CCDC91: variants seen among roughly 807,000 people sequenced by gnomAD.
The protein encoded by CCDC91 is coiled-coil domain-containing protein 91.
A neutral mutation model predicts 63.2 loss-of-function variants in CCDC91; 48 were observed. The observed-to-expected ratio is 0.76, with a 90% CI of 0.60 to 0.97. The LOEUF (loss-of-function observed/expected upper bound fraction) is 0.97. Among genes scored for constraint, CCDC91 ranks in the 50% least tolerant of loss-of-function variants. CCDC91 has a pLI of 0.00. For missense variants in CCDC91, 500 were observed against 494.6 expected (o/e 1.01, Z -0.10); for synonymous variants, 167 against 165.8 (o/e 1.01, Z -0.06).
intron 1 of CCDC91, chr12:28,226,282 A>T (rs1252350453): frequency 6.6e-6 from 1 of 152,166 alleles, no homozygotes. Context: ...CTTTTATGAG[A>T]TTTTTAACTG....
chr12:28,415,664 T>TTG (rs61077919), intron 8 of CCDC91, among the ~76,000 whole-genome samples: 99,950 of 148,336 alleles, frequency 0.67, 33,964 homozygotes, highest in East Asian at 0.9. Flanking sequence ...AGATATATAT[T>TTG]TGTGTGTGTG....
intron 12 of CCDC91, among the ~76,000 whole-genome samples, chr12:28,495,618 AC>A (rs913621436): frequency 2.0e-5 from 3 of 151,716 alleles, no homozygotes; most frequent in Non-Finnish European, 2.9e-5. Flanking sequence ...ACTGACTTTT[AC>A]CTTTCGAGGA....
At chr12:28,266,466 T>G (rs1440045074) in intron 3 of CCDC91, among the ~76,000 whole-genome samples, 4 of 152,004 alleles carry the variant, frequency 2.6e-5, no homozygotes, top group Admixed American at 2.6e-4. Context: ...ACTAGGTGAA[T>G]TATGGTGCCT....
At chr12:28,365,929 T>A (rs1317599853) in intron 7 of CCDC91, among the ~76,000 whole-genome samples, 7 of 152,178 alleles carry the variant, frequency 4.6e-5, no homozygotes, top group African/African-American at 1.7e-4. Flanking sequence ...CTGGACTAGA[T>A]GTAATCAATC....
At chr12:28,395,509 G>A (rs1946233908) in intron 8 of CCDC91, among the ~76,000 whole-genome samples, 1 of 152,162 alleles carries the variant, frequency 6.6e-6, no homozygotes, top group South Asian at 2.1e-4. Flanking sequence ...TTGCTAGAAT[G>A]GCTCACAGAA....
chr12:28,350,156 GCAAAACAAAA>G (rs995315311), intron 6 of CCDC91, among the ~76,000 whole-genome samples: 1 of 151,972 alleles, frequency 6.6e-6, no homozygotes, highest in Non-Finnish European at 1.5e-5. Flanking sequence ...ACTATTACAA[GCAAAACAAAA>G]CAAAACAAAA....
At chr12:28,481,258 A>G (rs1951431112) in intron 11 of CCDC91, among the ~76,000 whole-genome samples, 1 of 151,960 alleles carries the variant, frequency 6.6e-6, no homozygotes, top group Admixed American at 6.6e-5. Flanking sequence ...TCACCTTAGG[A>G]TAGTGTTTCT....
Position 28,253,699 on chromosome 12 carries a change from C to T in CCDC91, c.-14-3503C>T, listed in dbSNP as rs553197899. 9.2e-5 allele frequency among the ~76,000 whole-genome samples: 14 copies of T among 152,198 alleles called. No individual in the cohort carries two copies. In the South Asian group the frequency reaches 2.9e-3, roughly 32 times the overall value. On this transcript the variant is annotated intron_variant, in intron 1 of 12. Transcript: ENST00000536442. ...TTTGACCTAATTTTTATGCAGAAGCCAATAATCAAAAGAAATCTTTGTATT... is the reference window on the plus strand; with the variant it reads ...TTTGACCTAATTTTTATGCAGAAGCTAATAATCAAAAGAAATCTTTGTATT...
chr12:28,427,386 G>T (rs191356034), intron 8 of CCDC91, among the ~76,000 whole-genome samples: 2 of 151,940 alleles, frequency 1.3e-5, no homozygotes, highest in African/African-American at 4.8e-5. Context: ...TCTTCCCTTC[G>T]CCAGAACCAT....
At chr12:28,492,400 T>A (rs1952061245) in intron 12 of CCDC91, among the ~76,000 whole-genome samples, 1 of 151,746 alleles carries the variant, frequency 6.6e-6, no homozygotes, top group South Asian at 2.1e-4. Context: ...TTGACTCTTA[T>A]AATCTATAAT....
intron 1 of CCDC91, among the ~76,000 whole-genome samples, chr12:28,241,231 G>T (rs544095708): frequency 6.6e-6 from 1 of 152,186 alleles, no homozygotes; most frequent in African/African-American, 2.4e-5. Flanking sequence ...CTATTGAAAA[G>T]AACATGCTTT....
intron 8 of CCDC91, among the ~76,000 whole-genome samples, chr12:28,408,272 A>G (rs1947095805): frequency 6.6e-6 from 1 of 152,100 alleles, no homozygotes; most frequent in South Asian, 2.1e-4. Flanking sequence ...GCTGAGAATG[A>G]TGGCTTCCAG....
chr12:28,410,224 T>G (rs552884520), intron 8 of CCDC91, among the ~76,000 whole-genome samples: 1 of 152,314 alleles, frequency 6.6e-6, no homozygotes, highest in South Asian at 2.1e-4. Context: ...GTATTCACAT[T>G]TAGGATTATG....
chr12:28,487,161 A>G (rs1273032058), intron 12 of CCDC91, among the ~76,000 whole-genome samples: 1 of 151,942 alleles, frequency 6.6e-6, no homozygotes, highest in African/African-American at 2.4e-5. Context: ...AACTGATTTA[A>G]TCAGTACACT....
chr12:28,394,214 C>T (rs1385878384), intron 8 of CCDC91, among the ~76,000 whole-genome samples: 1 of 152,090 alleles, frequency 6.6e-6, no homozygotes, highest in Non-Finnish European at 1.5e-5. Flanking sequence ...CGCCTGTAAT[C>T]CCAGCACTTT....
At chr12:28,386,364 A>T (rs573370686) in intron 7 of CCDC91, among the ~76,000 whole-genome samples, 74 of 152,230 alleles carry the variant, frequency 4.9e-4, no homozygotes, top group African/African-American at 1.7e-3. Context: ...CACTTTAAAA[A>T]TTATTCTTTT....
At chr12:28,197,331 CT>C (rs1256005807) in intron 1 of CCDC91, among the ~76,000 whole-genome samples, 1 of 152,090 alleles carries the variant, frequency 6.6e-6, no homozygotes, top group Non-Finnish European at 1.5e-5. Flanking sequence ...AATAACTTTT[CT>C]GCCTATACTA....
chr12:28,413,588 G>A (rs1203053605), intron 8 of CCDC91, among the ~76,000 whole-genome samples: 1 of 151,858 alleles, frequency 6.6e-6, no homozygotes, highest in African/African-American at 2.4e-5. Flanking sequence ...AATTTATTTT[G>A]TATACATCCT....
rs550280381 is a variant in CCDC91 at position 28,308,864 on chromosome 12, T to A, written c.576+1115T>A. ...CTAAGTGGTCTTCTGGCTTCCATCCTTGTTCTTTTCCTTCATGAGTTTTTA... is the reference window on the plus strand; with the variant it reads ...CTAAGTGGTCTTCTGGCTTCCATCCATGTTCTTTTCCTTCATGAGTTTTTA... On this transcript the variant is annotated intron_variant, in intron 6 of 12. Coordinates refer to ENST00000536442, the MANE Select transcript of CCDC91 (RefSeq NM_018318.5). 3.9e-5 allele frequency among the ~76,000 whole-genome samples: 6 copies of A among 152,162 alleles called. No homozygotes were observed. In the South Asian group the frequency reaches 1.2e-3, roughly 32 times the overall value.
Sources: gnomAD v4.1 joint callset for allele counts (sites outside exome capture counted in the v4.1 genomes callset) on GRCh38, gnomAD v4.1.1 for gene constraint, MANE v1.5 for transcripts, NCBI Gene and HGNC (gene_info 2026-07-23, HGNC 2026-07-21) for gene names.